Variants in ATRNL1 observed in about 807,000 individuals in gnomAD.
ATRNL1 encodes attractin like 1.
ATRNL1 carries 95 observed loss-of-function variants against 182.7 expected under a neutral mutation model. The ratio of observed to expected loss-of-function variants is 0.52; its 90% CI spans 0.44 to 0.62. The LOEUF (loss-of-function observed/expected upper bound fraction) is 0.62, where lower values mean the gene tolerates loss of function less well. Among genes scored for constraint, ATRNL1 ranks in the 20% least tolerant of loss-of-function variants. The probability of loss-of-function intolerance (pLI) is 0.00; values close to 1 mark genes in which losing one functional copy is unlikely to be tolerated. For missense variants in ATRNL1, 1,471 were observed against 1,679.5 expected, an observed-to-expected ratio of 0.88 and a Z score of 2.17; for synonymous variants, 576 against 568.3, an observed-to-expected ratio of 1.01 and a Z score of -0.19.
At chr10:115,487,170 G>A (rs34135158) in intron 24 of ATRNL1, among the ~76,000 whole-genome samples, 25,072 of 152,078 alleles carry the variant, frequency 0.16, 2,589 homozygotes, top group South Asian at 0.23. Flanking sequence ...GTCAGGTTAC[G>A]TGATGCCTCC....
At chr10:115,513,627 C>A (rs1179415287) in intron 24 of ATRNL1, among the ~76,000 whole-genome samples, 4 of 152,070 alleles carry the variant, frequency 2.6e-5, no homozygotes, top group Middle Eastern at 3.4e-3. Flanking sequence ...GAGTTAGTGT[C>A]TGCTTGGCAT....
chr10:115,930,636 G>A (rs1445876892), intron 28 of ATRNL1, among the ~76,000 whole-genome samples: 2 of 152,292 alleles, frequency 1.3e-5, no homozygotes, highest in Middle Eastern at 3.4e-3. Flanking sequence ...TTTTATCTCA[G>A]GCATCTCACT....
chr10:115,515,575 A>G (rs1264964410), intron 24 of ATRNL1, among the ~76,000 whole-genome samples: 4 of 151,666 alleles, frequency 2.6e-5, no homozygotes, highest in Admixed American at 6.6e-5. Context: ...TCTCTGTACA[A>G]TGTTTATTGT....
At chr10:115,408,672 C>T (rs1437180923) in intron 20 of ATRNL1, among the ~76,000 whole-genome samples, 1 of 151,898 alleles carries the variant, frequency 6.6e-6, no homozygotes, top group East Asian at 1.9e-4. Flanking sequence ...ATTCCCCTGG[C>T]GTTTTTTTCT....
intron 27 of ATRNL1, among the ~76,000 whole-genome samples, chr10:115,835,088 A>T (rs1950639904): frequency 6.6e-6 from 1 of 152,132 alleles, no homozygotes; most frequent in South Asian, 2.1e-4. Flanking sequence ...TAGAGAAAAG[A>T]CATATAAAGT....
rs781992688 is a variant in ATRNL1, at chr10:115,691,617, G to A, written c.3796-35631G>A. On this transcript the variant is annotated intron_variant, in intron 26 of 28. Transcript: ENST00000355044. ...CATGCCTGCAGTCCCAGCTATTTGG[G>A]AGGCTGAGTTGAGAGGATGGCTTGA... Among the ~76,000 whole-genome samples, 37 of 152,252 alleles carry A rather than the reference G, an allele frequency of 2.4e-4. No homozygotes were observed. The Middle Eastern group carries it at 0.01, about 42-fold the overall frequency.
chr10:115,835,748 G>A (rs1372079244), intron 27 of ATRNL1, among the ~76,000 whole-genome samples: 1 of 152,138 alleles, frequency 6.6e-6, no homozygotes, highest in Non-Finnish European at 1.5e-5. Flanking sequence ...ACAGCTCTGA[G>A]CAGAGTCCTT....
chr10:115,118,672 TC>T (rs2143604443), intron 1 of ATRNL1, among the ~76,000 whole-genome samples: 1 of 152,220 alleles, frequency 6.6e-6, no homozygotes, highest in Non-Finnish European at 1.5e-5. Context: ...TGTCCTCCTC[TC>T]CCCTTGAGGC....
intron 27 of ATRNL1, among the ~76,000 whole-genome samples, chr10:115,835,380 A>G (rs1950646144): frequency 6.6e-6 from 1 of 152,196 alleles, no homozygotes; most frequent in African/African-American, 2.4e-5. Context: ...TCTTTAAACT[A>G]TTGACCTAGC....
intron 8 of ATRNL1, among the ~76,000 whole-genome samples, chr10:115,175,166 C>G (rs1327556676): frequency 6.6e-6 from 1 of 152,002 alleles, no homozygotes; most frequent in African/African-American, 2.4e-5. Context: ...GTCATCCTTA[C>G]TGAATATAGT....
Position 115,854,541 on chromosome 10 carries a change from G to A in ATRNL1, c.4018+6550G>A, listed in dbSNP as rs970613850. Among the ~76,000 whole-genome samples, 5 of 152,122 alleles carry A rather than the reference G, an allele frequency of 3.3e-5. 1 individual carries two copies. Among genetic ancestry groups the A allele is most frequent in the Non-Finnish European group, 5.9e-5 (4 of 68,006 alleles). Reference sequence around the variant, plus strand: ...GAAAACTTCTCTGCAGCTAACTGCCGATCCTGTGGGTCTTCAGCCAACACC... The same window carrying A: ...GAAAACTTCTCTGCAGCTAACTGCCAATCCTGTGGGTCTTCAGCCAACACC... On this transcript the variant is annotated intron_variant, in intron 28 of 28. Transcript: ENST00000355044.
chr10:115,372,743 G>A lies in ATRNL1; in HGVS notation c.3176-21916G>A, dbSNP rs142830683. 4.1e-3 allele frequency among the ~76,000 whole-genome samples: 625 copies of A among 152,052 alleles called. 2 individuals carry two copies. The highest frequency in any genetic ancestry group is 0.013 in the African/African-American group (543 of 41,476). Reference sequence around the variant, plus strand: ...TTTCATCAATCATATGTCTGCTTTTGTGCTGGTATCATGGTGTTCTGATTA... The same window carrying A: ...TTTCATCAATCATATGTCTGCTTTTATGCTGGTATCATGGTGTTCTGATTA... On this transcript the variant is annotated intron_variant, in intron 19 of 28. Transcript: ENST00000355044.
At chr10:115,535,444 G>A (rs1370553858) in intron 25 of ATRNL1, among the ~76,000 whole-genome samples, 1 of 149,430 alleles carries the variant, frequency 6.7e-6, no homozygotes, top group Non-Finnish European at 1.5e-5. Context: ...CTCAAGCCTT[G>A]GTTTTCAGCT....
At chr10:115,641,690 T>C (rs971140827) in intron 26 of ATRNL1, among the ~76,000 whole-genome samples, 1 of 152,156 alleles carries the variant, frequency 6.6e-6, no homozygotes, top group Non-Finnish European at 1.5e-5. Context: ...CATGCTTATT[T>C]AAACCTTTTA....
intron 27 of ATRNL1, among the ~76,000 whole-genome samples, chr10:115,770,983 G>A (rs897521776): frequency 5.9e-5 from 9 of 151,938 alleles, no homozygotes; most frequent in Admixed American, 1.3e-4. Context: ...ATTAAAATTT[G>A]TTCATCTTAA....
chr10:115,723,906 A>G (rs1017057200), intron 26 of ATRNL1, among the ~76,000 whole-genome samples: 9 of 152,138 alleles, frequency 5.9e-5, no homozygotes. Flanking sequence ...GATTTTGAAT[A>G]GCAAAACAGT....
intron 24 of ATRNL1, among the ~76,000 whole-genome samples, chr10:115,498,957 C>G (rs1265178869): frequency 6.6e-6 from 1 of 151,778 alleles, no homozygotes; most frequent in East Asian, 1.9e-4. Context: ...AAAATGAGTA[C>G]CTTTGGTTAC....
At chr10:115,509,424 C>T (rs1430133414) in intron 24 of ATRNL1, among the ~76,000 whole-genome samples, 2 of 151,932 alleles carry the variant, frequency 1.3e-5, no homozygotes, top group African/African-American at 4.8e-5. Flanking sequence ...GGGATGGATC[C>T]CTCATGAATG....
At chr10:115,913,087 G>T (rs1240102462) in intron 28 of ATRNL1, among the ~76,000 whole-genome samples, 2 of 152,180 alleles carry the variant, frequency 1.3e-5, no homozygotes, top group Non-Finnish European at 2.9e-5. Context: ...GCACTGGAGA[G>T]AAAAAACTAT....
Sources: allele counts gnomAD v4.1 joint callset (sites outside exome capture counted in the v4.1 genomes callset), GRCh38; gene constraint gnomAD v4.1.1; transcripts MANE v1.5; gene names NCBI Gene and HGNC (gene_info 2026-07-23, HGNC 2026-07-21).